CPEB3: variants seen among roughly 807,000 people sequenced by gnomAD.
The protein encoded by CPEB3 is cytoplasmic polyadenylation element-binding protein 3.
Under a neutral mutation model 67.2 loss-of-function variants are expected in CPEB3, and 20 were observed. The observed-to-expected ratio is 0.30, with a 90% confidence interval of 0.21 to 0.43. The LOEUF (loss-of-function observed/expected upper bound fraction) is 0.43. CPEB3 is among the 20% of genes least tolerant of loss of function. The pLI, the probability that CPEB3 is intolerant of heterozygous loss-of-function variation, is 1.00. For synonymous variants in CPEB3, 376 were observed against 393.1 expected (o/e 0.96, Z 0.51); for missense variants, 746 against 968.6 (o/e 0.77, Z 3.05).
At position 92,047,624 on chromosome 10, in the gene CPEB3, C is replaced by T. The variant is rs541264834; in HGVS notation, c.*4588G>A. 2 of 152,344 alleles carry T rather than the reference C, an allele frequency of 1.3e-5. No individual in the cohort carries two copies. Among genetic ancestry groups the T allele is most frequent in the South Asian group, 4.1e-4 (2 of 4,830 alleles). 9.4% of individuals were successfully genotyped at this position (152,344 alleles called of 1,614,324 possible). ...TATACCACTAAGCAAGAATTTTCCA[C>T]TTTTCTTCTGTTCCTAATCATTTAT... is the stretch of plus-strand genomic sequence containing the variant. On this transcript the variant is annotated 3_prime_UTR_variant, in exon 10 of 10. Transcript: ENST00000265997.
chr10:92,098,770 C>CA (rs1844020499), intron 7 of CPEB3, among the ~76,000 whole-genome samples: 2 of 124,560 alleles, frequency 1.6e-5, no homozygotes, highest in Non-Finnish European at 3.4e-5. Flanking sequence ...TTCTTTTTTT[C>CA]TTTTTTTTTT....
At chr10:92,186,607 G>A (rs111612672) in intron 3 of CPEB3, among the ~76,000 whole-genome samples, 79 of 151,876 alleles carry the variant, frequency 5.2e-4, no homozygotes, top group Non-Finnish European at 4.7e-4. Context: ...GCTAATTTTC[G>A]TATTTTTAGT....
chr10:92,117,324 C>CTTTT (rs35220275), intron 6 of CPEB3, among the ~76,000 whole-genome samples: 22 of 79,986 alleles, frequency 2.8e-4, no homozygotes, highest in Admixed American at 5.1e-4. Flanking sequence ...GCCTGGCTGA[C>CTTTT]TTTTTTTTTT....
Position 92,154,587 on chromosome 10 carries a change from C to T in CPEB3, c.1223-9502G>A, listed in dbSNP as rs77965960. 7.9e-3 allele frequency among the ~76,000 whole-genome samples: 1,202 copies of T among 152,294 alleles called. 10 individuals are homozygous for T. Among genetic ancestry groups the T allele is most frequent in the African/African-American group, 0.028 (1,153 of 41,556 alleles). On this transcript the variant is annotated intron_variant, in intron 4 of 9. Transcript: ENST00000265997. ...TATCTGTGTCCAGGAGTTTCACCGC[C>T]TGTTTCAAAAACATTCATTAAGGCA...
In CPEB3 at chr10:92,171,368, G is replaced by A. The variant is rs74149386; in HGVS notation, c.1222+9595C>T. Among the ~76,000 whole-genome samples, 329 of 152,230 alleles carry A rather than the reference G, an allele frequency of 2.2e-3. 1 individual carries two copies. Among genetic ancestry groups the A allele is most frequent in the African/African-American group, 7.5e-3 (312 of 41,532 alleles). On this transcript the variant is annotated intron_variant, in intron 4 of 9. Coordinates refer to ENST00000265997, the MANE Select transcript of CPEB3 (RefSeq NM_014912.5). ...GCATAGTCCCGATACTACTTGATTC[G>A]TTCATCCTCAAATAAAGATAGACAC... is the stretch of plus-strand genomic sequence containing the variant.
intron 1 of CPEB3, among the ~76,000 whole-genome samples, chr10:92,276,494 G>C (rs1207661012): frequency 6.6e-6 from 1 of 151,264 alleles, no homozygotes. Context: ...GGCCAGGCTG[G>C]TCTTGAACTC....
intron 4 of CPEB3, among the ~76,000 whole-genome samples, chr10:92,163,713 G>C (rs1847605808): frequency 6.6e-6 from 1 of 152,080 alleles, no homozygotes; most frequent in Non-Finnish European, 1.5e-5. Flanking sequence ...GACTTATAAT[G>C]GCAGATAAGA....
intron 6 of CPEB3, among the ~76,000 whole-genome samples, chr10:92,120,448 G>T (rs1590184470): frequency 2.6e-5 from 4 of 151,972 alleles, no homozygotes; most frequent in Non-Finnish European, 4.4e-5. Flanking sequence ...GCTGGGTGTG[G>T]TGGCGGGCGC....
chr10:92,195,820 T>G (rs919798890), intron 2 of CPEB3, among the ~76,000 whole-genome samples: 6 of 152,196 alleles, frequency 3.9e-5, no homozygotes, highest in Admixed American at 3.3e-4. Flanking sequence ...TCAGAGAAGA[T>G]TCAAGAGCCC....
chr10:92,102,271 A>G (rs1168810284), intron 7 of CPEB3, among the ~76,000 whole-genome samples: 2 of 152,216 alleles, frequency 1.3e-5, no homozygotes, highest in Non-Finnish European at 2.9e-5. Context: ...GTCAGGCCTC[A>G]AGGCAAAAAG....
chr10:92,081,789 C>T (rs975925688), intron 8 of CPEB3, among the ~76,000 whole-genome samples: 7 of 152,128 alleles, frequency 4.6e-5, no homozygotes, highest in Non-Finnish European at 1.5e-5. Flanking sequence ...ACCAGTAATC[C>T]TGTTCTAATT....
chr10:92,110,989 A>T, intron 7 of CPEB3, 87 bp downstream of exon 7: 1 of 977,426 alleles, frequency 1.0e-6, no homozygotes, highest in Non-Finnish European at 1.7e-6. Context: ...CCTAGTTACC[A>T]GCATTTCCAT....
At chr10:92,086,541 A>G (rs531915316) in intron 8 of CPEB3, among the ~76,000 whole-genome samples, 31 of 152,360 alleles carry the variant, frequency 2.0e-4, no homozygotes, top group African/African-American at 7.5e-4. Flanking sequence ...CAGTTACTCT[A>G]TCTGAACTCT....
intron 1 of CPEB3, among the ~76,000 whole-genome samples, chr10:92,245,392 TC>T (rs1390746420): frequency 7.9e-5 from 12 of 152,044 alleles, no homozygotes; most frequent in Admixed American, 7.9e-4. Context: ...CACCTCGGCC[TC>T]CCAAAGTGAT....
At chr10:92,202,749 G>A (rs1025960364) in intron 2 of CPEB3, among the ~76,000 whole-genome samples, 1 of 151,658 alleles carries the variant, frequency 6.6e-6, no homozygotes, top group African/African-American at 2.4e-5. Flanking sequence ...GACTGCTAGT[G>A]AGTTTGATTT....
At chr10:92,222,048 T>C (rs1208788419) in intron 2 of CPEB3, among the ~76,000 whole-genome samples, 1 of 152,142 alleles carries the variant, frequency 6.6e-6, no homozygotes, top group African/African-American at 2.4e-5. Flanking sequence ...CTTACCTGAC[T>C]TTCCAGATTA....
chr10:92,246,382 T>C (rs960597829), intron 1 of CPEB3, among the ~76,000 whole-genome samples: 6 of 151,304 alleles, frequency 4.0e-5, no homozygotes, highest in African/African-American at 1.2e-4. Context: ...AAAATAAAAA[T>C]ACCCTTCATA....
chr10:92,069,489 C>T (rs141002098), intron 9 of CPEB3, among the ~76,000 whole-genome samples: 378 of 151,214 alleles, frequency 2.5e-3, no homozygotes, highest in Non-Finnish European at 4.2e-3. Context: ...CTGCAACCTC[C>T]GCTTCCCAGG....
intron 4 of CPEB3, among the ~76,000 whole-genome samples, chr10:92,150,303 G>A (rs1236945001): frequency 6.6e-6 from 1 of 150,612 alleles, no homozygotes; most frequent in East Asian, 1.9e-4. Flanking sequence ...GGTTGCCCAG[G>A]TTGGTCTTGA....
Sources: allele counts gnomAD v4.1 joint callset (sites outside exome capture counted in the v4.1 genomes callset), GRCh38; gene constraint gnomAD v4.1.1; transcripts MANE v1.5; gene names NCBI Gene and HGNC (gene_info 2026-07-23, HGNC 2026-07-21).